ARRB1: variants seen among roughly 807,000 people sequenced by gnomAD.
ARRB1 encodes beta-arrestin-1.
Under a neutral mutation model 56.8 loss-of-function variants are expected in ARRB1, and 21 were observed. The ratio of observed to expected loss-of-function variants is 0.37; its 90% CI spans 0.26 to 0.53. The LOEUF (loss-of-function observed/expected upper bound fraction) is 0.53, where lower values mean the gene tolerates loss of function less well. ARRB1 is among the 20% of genes least tolerant of loss of function. ARRB1 has a pLI of 0.88. For missense variants in ARRB1, 424 were observed against 553.7 expected (o/e 0.77, Z 2.35); for synonymous variants, 210 against 218.6 (o/e 0.96, Z 0.35).
At chr11:75,335,453 C>T (rs938100267) in intron 1 of ARRB1, among the ~76,000 whole-genome samples, 7 of 152,204 alleles carry the variant, frequency 4.6e-5, no homozygotes, top group Middle Eastern at 3.4e-3. Flanking sequence ...GGGATGGTGG[C>T]GAACACCTGT....
chr11:75,308,668 C>T (rs1947086427), intron 1 of ARRB1, among the ~76,000 whole-genome samples: 1 of 151,958 alleles, frequency 6.6e-6, no homozygotes, highest in African/African-American at 2.4e-5. Context: ...TTGCTTGAAC[C>T]TGGGAGACGG....
At position 75,265,851 on chromosome 11, in the gene ARRB1, C is replaced by T. The variant is rs1591880967; in HGVS notation, c.*312G>A. 2.8e-5 allele frequency: 11 copies of T among 398,804 alleles called. No homozygotes were observed. The Admixed American group carries it at 3.0e-4, about 11-fold the overall frequency. The allele number at this position is 398,804 out of a possible 1,614,324, so 24.7% of individuals were successfully genotyped here. On this transcript the variant is annotated 3_prime_UTR_variant, in exon 16 of 16. Transcript: ENST00000420843. The stretch of plus-strand genomic sequence containing the variant: ...CGTGTCCCACATTCCCCATCCTCCC[C>T]TGTCTGCTCCCCATCTCAAGTCCAA...
chr11:75,328,008 C>T lies in ARRB1; in HGVS notation c.20+23580G>A, dbSNP rs374638148. Among the ~76,000 whole-genome samples the T allele has an allele frequency of 4.5e-4, 69 of 152,328 alleles. 1 individual carries two copies. In the South Asian group the frequency reaches 0.014, roughly 31 times the overall value. ...TCAGTGGCATTTAGTCCATTCACAA[C>T]GTTGTGCAAAACCGCCACTTCTATC... On this transcript the variant is annotated intron_variant, in intron 1 of 15. Coordinates refer to ENST00000420843, the MANE Select transcript of ARRB1 (RefSeq NM_004041.5).
intron 1 of ARRB1, among the ~76,000 whole-genome samples, chr11:75,342,829 C>T (rs998338013): frequency 5.3e-5 from 8 of 152,198 alleles, no homozygotes; most frequent in African/African-American, 1.4e-4. Context: ...GGGAATGAGC[C>T]GCCAATCCCC....
rs902455921 is a variant in ARRB1, at chr11:75,265,717, G to C, written c.*446C>G. 1.7e-5 allele frequency: 3 copies of C among 179,158 alleles called. No homozygotes were observed. The highest frequency in any genetic ancestry group is 1.1e-4 in the Admixed American group (2 of 17,560). The allele number at this position is 179,158 out of a possible 1,614,324, so 11.1% of individuals were successfully genotyped here. ...GCCAGAAGGAGGTGGCCTTCAACGC[G>C]GTCATCTTTTAGCTGCCAGAACTTT... On this transcript the variant is annotated 3_prime_UTR_variant, in exon 16 of 16. Transcript: ENST00000420843.
chr11:75,325,013 T>G (rs1426151789), intron 1 of ARRB1, among the ~76,000 whole-genome samples: 1 of 151,900 alleles, frequency 6.6e-6, no homozygotes, highest in East Asian at 1.9e-4. Flanking sequence ...GGGAGGGCCT[T>G]GGGGTAGAGA....
At chr11:75,269,609 C>T (rs1174599369) in intron 13 of ARRB1, among the ~76,000 whole-genome samples, 4 of 152,206 alleles carry the variant, frequency 2.6e-5, no homozygotes, top group Non-Finnish European at 5.9e-5. Context: ...TGTACTTGGC[C>T]CTGATGGACA....
At chr11:75,350,126 C>T (rs1322481944) in intron 1 of ARRB1, among the ~76,000 whole-genome samples, 1 of 152,212 alleles carries the variant, frequency 6.6e-6, no homozygotes, top group African/African-American at 2.4e-5. Context: ...CTGTTTCCTC[C>T]TCTAGAAAAT....
rs1053782 is a variant in ARRB1 at position 75,266,067 on chromosome 11, A to G, written c.*96T>C. On this transcript the variant is annotated 3_prime_UTR_variant, in exon 16 of 16. Coordinates refer to ENST00000420843, the MANE Select transcript of ARRB1 (RefSeq NM_004041.5). ...GGGCCCCCTGGTAGAAACTGGAAGA[A>G]CAAAGGGGAAAAGAAACCAGAACAG... 8.8e-7 allele frequency: 1 copy of G among 1,131,840 alleles called. No homozygotes were observed. The highest frequency in any genetic ancestry group is 1.3e-6 in the Non-Finnish European group (1 of 760,154). 70.1% of individuals were successfully genotyped at this position (1,131,840 alleles called of 1,614,324 possible). A position where few individuals can be genotyped will look rare whatever the true frequency, so the allele number is the denominator to read the frequency against.
chr11:75,266,882 G>A (rs372018891), intron 15 of ARRB1, among the ~76,000 whole-genome samples: 20 of 152,162 alleles, frequency 1.3e-4, no homozygotes, highest in African/African-American at 4.6e-4. Context: ...ATCTAAATAG[G>A]GGGGCAGAGG....
intron 1 of ARRB1, chr11:75,306,769 T>C: frequency 1.1e-6 from 1 of 924,022 alleles, no homozygotes; most frequent in Non-Finnish European, 1.4e-6. Flanking sequence ...ATACGCGTCC[T>C]GTTTCCTCTC....
chr11:75,308,792 G>A (rs558847958), intron 1 of ARRB1, among the ~76,000 whole-genome samples: 1 of 151,850 alleles, frequency 6.6e-6, no homozygotes, highest in Non-Finnish European at 1.5e-5. Flanking sequence ...TGGAGAAAGG[G>A]TCTCACTATA....
intron 1 of ARRB1, among the ~76,000 whole-genome samples, chr11:75,321,753 C>G (rs1947352598): frequency 6.6e-6 from 1 of 152,138 alleles, no homozygotes; most frequent in South Asian, 2.1e-4. Flanking sequence ...TGTCTGGCAC[C>G]TAGTAATACA....
At chr11:75,282,147 C>T in intron 5 of ARRB1, 126 bp from the exon 6 acceptor site, 2 of 884,534 alleles carry the variant, frequency 2.3e-6, no homozygotes, top group South Asian at 3.2e-5. Flanking sequence ...CATGTCTATC[C>T]CATCAGACCA....
chr11:75,268,959 G>T lies in ARRB1; in HGVS notation c.1023C>A (p.Ser341Arg). The T allele has an allele frequency of 6.2e-7, 1 of 1,609,014 alleles. No homozygotes were observed. Among genetic ancestry groups the T allele is most frequent in the Non-Finnish European group, 8.5e-7 (1 of 1,178,586 alleles). ...RGGLLGDLAS[S>R]DVAVELPFTL... is the part of the protein sequence containing the mutation. ...TGAAGGGCAGTTCCACGGCCACGTC[G>T]CTGAAACAGAGACCCAGACCCAGTG... is the stretch of plus-strand genomic sequence containing the variant. Residue 341 changes from serine to arginine, a missense_variant and splice_region_variant, in exon 14 of 16, where the codon AGC (serine) becomes AGA (arginine). This residue lies in a region of ARRB1 where 121 missense variants were observed against 147.3 expected (regional missense o/e 0.82). Transcript: ENST00000420843.
intron 1 of ARRB1, among the ~76,000 whole-genome samples, chr11:75,329,528 A>G (rs981864962): frequency 1.3e-5 from 2 of 152,122 alleles, no homozygotes; most frequent in Non-Finnish European, 2.9e-5. Context: ...CTCCTGTTAA[A>G]GACTACATCC....
chr11:75,342,258 G>A (rs1415727456), intron 1 of ARRB1, among the ~76,000 whole-genome samples: 3 of 151,920 alleles, frequency 2.0e-5, no homozygotes, highest in Non-Finnish European at 2.9e-5. Flanking sequence ...TTCCCTCTCC[G>A]AGCCCTGCTC....
At chr11:75,270,958 G>A (rs934682073) in intron 13 of ARRB1, 1 of 151,468 alleles carries the variant, frequency 6.6e-6, no homozygotes, top group Non-Finnish European at 1.5e-5. Flanking sequence ...GCTTCAGAAT[G>A]GAGCTGGTGG....
chr11:75,282,928 T>A (rs1428890892), intron 5 of ARRB1, among the ~76,000 whole-genome samples: 6 of 152,210 alleles, frequency 3.9e-5, no homozygotes, highest in Admixed American at 2.0e-4. Flanking sequence ...TCTTGCGAGC[T>A]GGGTTGCTGC....
Sources: allele counts gnomAD v4.1 joint callset (sites outside exome capture counted in the v4.1 genomes callset), GRCh38; gene constraint gnomAD v4.1.1; regional missense constraint gnomAD v4.1.1; transcripts MANE v1.5; gene names NCBI Gene and HGNC (gene_info 2026-07-23, HGNC 2026-07-21).